The following CADM2 variants were observed in gnomAD, a reference collection of about 807,000 sequenced individuals.
CADM2 encodes the protein cell adhesion molecule 2, also known as immunoglobulin superfamily member 4D.
A neutral mutation model predicts 49.8 loss-of-function variants in CADM2; 12 were observed. The ratio of observed to expected loss-of-function variants is 0.24; its 90% CI spans 0.15 to 0.39. The LOEUF (loss-of-function observed/expected upper bound fraction) is 0.39. Among genes scored for constraint, CADM2 ranks in the 10% least tolerant of loss-of-function variants. CADM2 has a pLI of 1.00. For synonymous variants in CADM2, 214 were observed against 175.4 expected (o/e 1.22, Z -1.74); for missense variants, 378 against 492.3 (o/e 0.77, Z 2.20).
intron 8 of CADM2, among the ~76,000 whole-genome samples, chr3:86,059,434 T>A (rs1252404378): frequency 1.3e-5 from 2 of 152,210 alleles, no homozygotes; most frequent in African/African-American, 2.4e-5. Context: ...CAAATAACTC[T>A]AAATGAAAGT....
chr3:86,012,961 A>C (rs1731734357), intron 8 of CADM2: 2 of 730,280 alleles, frequency 2.7e-6, no homozygotes, highest in Non-Finnish European at 2.4e-6. Flanking sequence ...GGCGACAGCG[A>C]GACTCCATCT....
chr3:85,217,367 A>C (rs1429249105), intron 1 of CADM2, among the ~76,000 whole-genome samples: 1 of 151,972 alleles, frequency 6.6e-6, no homozygotes, highest in Admixed American at 6.5e-5. Context: ...GTCATTGTAG[A>C]ATTATATGAA....
Position 86,012,941 on chromosome 3 carries a change from C to T in CADM2, c.970+51294C>T. ...AGTGAGCCGAGATCGCGCCACTGCA[C>T]TCCAGCCTGGGCGACAGCGAGACTC... On this transcript the variant is annotated intron_variant, in intron 8 of 9. Transcript: ENST00000383699. 4.5e-6 allele frequency: 3 copies of T among 672,248 alleles called. No homozygotes were observed. The South Asian group carries it at 4.5e-5, about 10-fold the overall frequency. 41.6% of individuals were successfully genotyped at this position (672,248 alleles called of 1,614,324 possible).
chr3:85,404,925 C>T (rs530277386), intron 1 of CADM2, among the ~76,000 whole-genome samples: 4 of 152,104 alleles, frequency 2.6e-5, no homozygotes, highest in Admixed American at 2.0e-4. Flanking sequence ...AAGAGTTTAG[C>T]AGTTTAGATA....
chr3:85,021,592 T>C (rs764927916), intron 1 of CADM2, among the ~76,000 whole-genome samples: 6 of 151,956 alleles, frequency 3.9e-5, no homozygotes, highest in Non-Finnish European at 7.4e-5. Flanking sequence ...CTGGCCAACA[T>C]GGTGAAAGCC....
Position 86,044,185 on chromosome 3 carries a change from G to A in CADM2, c.971-21420G>A, listed in dbSNP as rs370581226. ...TCACGTCTAAAACACAAAAAGCAAC[G>A]GCAACACAAGCCAAAATTGACAAAT... On this transcript the variant is annotated intron_variant, in intron 8 of 9. Coordinates refer to ENST00000383699, the MANE Select transcript of CADM2 (RefSeq NM_001167675.2). 7.4e-4 allele frequency among the ~76,000 whole-genome samples: 113 copies of A among 152,202 alleles called. No individual in the cohort carries two copies. In the East Asian group the frequency reaches 9.7e-3, roughly 13 times the overall value.
At chr3:85,877,978 C>T (rs769554843) in intron 3 of CADM2, among the ~76,000 whole-genome samples, 14 of 151,958 alleles carry the variant, frequency 9.2e-5, no homozygotes, top group Admixed American at 3.3e-4. Context: ...ATTCTTCATA[C>T]TTGAAATGCT....
intron 1 of CADM2, among the ~76,000 whole-genome samples, chr3:85,596,984 T>C (rs2063262809): frequency 6.6e-6 from 1 of 152,130 alleles, no homozygotes; most frequent in South Asian, 2.1e-4. Context: ...CCCAAAATGC[T>C]GGGATTACAG....
chr3:85,100,320 A>T (rs775988861), intron 1 of CADM2, among the ~76,000 whole-genome samples: 138 of 152,222 alleles, frequency 9.1e-4, no homozygotes, highest in Admixed American at 1.8e-3. Flanking sequence ...GCCAAGTAAC[A>T]CAGGGCAGAA....
At chr3:85,958,040 C>A (rs1045061476) in intron 7 of CADM2, among the ~76,000 whole-genome samples, 16 of 151,940 alleles carry the variant, frequency 1.1e-4, no homozygotes, top group African/African-American at 3.9e-4. Flanking sequence ...TTTTTGCAAT[C>A]TACCCATCTG....
At chr3:85,936,296 AAC>A (rs1721183596) in intron 7 of CADM2, among the ~76,000 whole-genome samples, 1 of 151,828 alleles carries the variant, frequency 6.6e-6, no homozygotes, top group Non-Finnish European at 1.5e-5. Context: ...TTTCTTATGA[AAC>A]ACCCAATGAA....
intron 1 of CADM2, among the ~76,000 whole-genome samples, chr3:85,530,902 AC>A (rs1559890265): frequency 3.3e-5 from 5 of 149,604 alleles, no homozygotes; most frequent in African/African-American, 1.3e-4. Flanking sequence ...ACACACACAC[AC>A]ACACACACAC....
At chr3:85,892,594 G>T (rs1175574547) in intron 5 of CADM2, among the ~76,000 whole-genome samples, 2 of 152,166 alleles carry the variant, frequency 1.3e-5, no homozygotes, top group South Asian at 4.1e-4. Flanking sequence ...CACCATGTAA[G>T]ATGTGCCTTT....
intron 1 of CADM2, among the ~76,000 whole-genome samples, chr3:85,651,849 G>A (rs1387961243): frequency 1.4e-5 from 2 of 147,562 alleles, no homozygotes; most frequent in Non-Finnish European, 3.0e-5. Flanking sequence ...ACAGAGTCAC[G>A]CTCTGTCACC....
At chr3:85,260,081 A>G (rs1340975464) in intron 1 of CADM2, among the ~76,000 whole-genome samples, 1 of 152,138 alleles carries the variant, frequency 6.6e-6, no homozygotes, top group Non-Finnish European at 1.5e-5. Flanking sequence ...TCTGAAATAA[A>G]TAATGTTCTA....
chr3:85,337,042 TAA>T (rs1491301493), intron 1 of CADM2, among the ~76,000 whole-genome samples: 1 of 140,698 alleles, frequency 7.1e-6, no homozygotes, highest in African/African-American at 2.7e-5. Context: ...TATATATATA[TAA>T]ATATATATAT....
At chr3:85,992,050 T>G (rs928325861) in intron 8 of CADM2, 8 of 151,822 alleles carry the variant, frequency 5.3e-5, no homozygotes, top group Non-Finnish European at 1.0e-4. Flanking sequence ...CAAAAAGTTT[T>G]CGCTTCTTAC....
intron 1 of CADM2, among the ~76,000 whole-genome samples, chr3:85,097,900 G>A (rs529902187): frequency 7.9e-4 from 120 of 152,286 alleles, no homozygotes; most frequent in Middle Eastern, 3.4e-3. Context: ...ATCAGGTGGT[G>A]TGCTTGTTTA....
intron 1 of CADM2, among the ~76,000 whole-genome samples, chr3:85,578,874 C>T (rs1470543604): frequency 6.6e-6 from 1 of 152,066 alleles, no homozygotes; most frequent in Non-Finnish European, 1.5e-5. Flanking sequence ...TCACACACTC[C>T]CATTATATTT....
Sources: allele counts gnomAD v4.1 joint callset (sites outside exome capture counted in the v4.1 genomes callset), GRCh38; gene constraint gnomAD v4.1.1; transcripts MANE v1.5; gene names NCBI Gene and HGNC (gene_info 2026-07-23, HGNC 2026-07-21).